The following TPST1 variants were observed in gnomAD, a reference collection of about 807,000 sequenced individuals.
TPST1 encodes protein-tyrosine sulfotransferase 1.
Under a neutral mutation model 34.8 loss-of-function variants are expected in TPST1, and 20 were observed. That is an observed-to-expected ratio of 0.57 (90% CI 0.40 to 0.84). TPST1 has a LOEUF of 0.84. Among genes scored for constraint, TPST1 ranks in the 40% least tolerant of loss-of-function variants. The pLI, the probability that TPST1 is intolerant of heterozygous loss-of-function variation, is 0.00. For synonymous variants in TPST1, 152 were observed against 159.4 expected, an observed-to-expected ratio of 0.95 and a Z score of 0.35; for missense variants, 353 against 455.5, an observed-to-expected ratio of 0.78 and a Z score of 2.05.
At chr7:66,312,688 A>G (rs1161425620) in intron 3 of TPST1, among the ~76,000 whole-genome samples, 1 of 152,180 alleles carries the variant, frequency 6.6e-6, no homozygotes, top group Non-Finnish European at 1.5e-5. Flanking sequence ...TTTTCCTTAA[A>G]CCCAAAGATT....
At chr7:66,293,226 T>C (rs192628593) in intron 3 of TPST1, among the ~76,000 whole-genome samples, 14 of 150,890 alleles carry the variant, frequency 9.3e-5, no homozygotes, top group Admixed American at 2.0e-4. Context: ...AAGAAAAACT[T>C]GGGCCCAGCA....
chr7:66,259,491 T>A (rs561277742), intron 2 of TPST1, among the ~76,000 whole-genome samples: 2 of 152,196 alleles, frequency 1.3e-5, no homozygotes, highest in South Asian at 4.1e-4. Flanking sequence ...TTTTTCCAAA[T>A]TTTTTTTCTC....
intron 3 of TPST1, among the ~76,000 whole-genome samples, chr7:66,338,474 A>G (rs541441239): frequency 1.3e-5 from 2 of 152,342 alleles, no homozygotes; most frequent in East Asian, 3.9e-4. Context: ...TCTGGACCAA[A>G]TGGACCTAAC....
At chr7:66,306,476 G>T (rs1260232637) in intron 3 of TPST1, among the ~76,000 whole-genome samples, 1 of 152,014 alleles carries the variant, frequency 6.6e-6, no homozygotes, top group African/African-American at 2.4e-5. Context: ...TCTTTCTTTG[G>T]CTCCTTTCCC....
In TPST1 at chr7:66,284,551, C is replaced by CTT. The variant is rs5884585; in HGVS notation, c.846-1939_846-1938dup. ...CTTATCTAATTGGCCACTGTCTTAGCTTTTTTTTTTTTTTTTTTTTTTAAA... is the reference window on the plus strand; with the variant it reads ...CTTATCTAATTGGCCACTGTCTTAGCTTTTTTTTTTTTTTTTTTTTTTTTAAA... On this transcript the variant is annotated intron_variant, in intron 2 of 5. Coordinates refer to ENST00000304842, the MANE Select transcript of TPST1 (RefSeq NM_003596.4). Among the ~76,000 whole-genome samples, 79 of 77,046 alleles carry CTT rather than the reference C, an allele frequency of 1.0e-3. 1 individual carries two copies. Among genetic ancestry groups the CTT allele is most frequent in the African/African-American group, 4.0e-3 (75 of 18,648 alleles). The allele number at this position is 77,046 out of a possible 152,430, so 50.5% of individuals were successfully genotyped here.
At chr7:66,263,223 G>A (rs1292453590) in intron 2 of TPST1, among the ~76,000 whole-genome samples, 3 of 152,172 alleles carry the variant, frequency 2.0e-5, no homozygotes, top group Admixed American at 6.5e-5. Flanking sequence ...TGGGAATTAG[G>A]GAAGGTTTCT....
chr7:66,255,334 A>G (rs950168273), intron 2 of TPST1, among the ~76,000 whole-genome samples: 3 of 152,132 alleles, frequency 2.0e-5, no homozygotes, highest in Non-Finnish European at 2.9e-5. Flanking sequence ...ACTACAACAA[A>G]GAATTTATTC....
intron 2 of TPST1, among the ~76,000 whole-genome samples, chr7:66,245,013 T>C (rs1056531005): frequency 3.3e-5 from 5 of 152,010 alleles, no homozygotes; most frequent in East Asian, 1.9e-4. Flanking sequence ...CTAAATCAGA[T>C]CAAAAGCAAA....
chr7:66,208,386 C>T (rs1789174727), intron 1 of TPST1, among the ~76,000 whole-genome samples: 1 of 152,178 alleles, frequency 6.6e-6, no homozygotes, highest in Non-Finnish European at 1.5e-5. Context: ...TACCCCTCCT[C>T]CTTAGTTTGG....
intron 1 of TPST1, among the ~76,000 whole-genome samples, chr7:66,227,715 A>C (rs1789692790): frequency 7.2e-6 from 1 of 138,926 alleles, no homozygotes; most frequent in Admixed American, 7.7e-5. Flanking sequence ...GTATTTTGAA[A>C]GTAGAGCCAA....
chr7:66,239,784 G>A (rs1226355955), intron 1 of TPST1, among the ~76,000 whole-genome samples: 1 of 152,116 alleles, frequency 6.6e-6, no homozygotes, highest in Non-Finnish European at 1.5e-5. Flanking sequence ...AACAAAAGCT[G>A]TTTCTGATTA....
Position 66,257,605 on chromosome 7 carries a change from T to A in TPST1, c.845+16335T>A, listed in dbSNP as rs374060949. Among the ~76,000 whole-genome samples, 42 of 152,362 alleles carry A rather than the reference T, an allele frequency of 2.8e-4. 1 individual carries two copies. The East Asian group carries it at 6.4e-3, about 23-fold the overall frequency. On this transcript the variant is annotated intron_variant, in intron 2 of 5. Coordinates refer to ENST00000304842, the MANE Select transcript of TPST1 (RefSeq NM_003596.4). ...ATTTCTGGGTTTTTTTGGTCCAGCC[T>A]GGCAGTGTTGCTGCTGATATAATTT...
chr7:66,326,058 CAG>C (rs1791860598), intron 3 of TPST1, among the ~76,000 whole-genome samples: 1 of 152,206 alleles, frequency 6.6e-6, no homozygotes, highest in African/African-American at 2.4e-5. Context: ...GAGGCTCCAA[CAG>C]AGTCACTTTT....
intron 3 of TPST1, among the ~76,000 whole-genome samples, chr7:66,328,859 G>GCTCTCTCTCGCTCT (rs1791927034): frequency 2.2e-4 from 4 of 18,416 alleles, no homozygotes; most frequent in African/African-American, 9.8e-4. Flanking sequence ...TCTCTCTCCC[G>GCTCTCTCTCGCTCT]CTCTCTCTCT....
At chr7:66,286,458 T>A in intron 2 of TPST1, 53 bp from the exon 3 acceptor site, 1 of 1,336,376 alleles carries the variant, frequency 7.5e-7, no homozygotes, top group Non-Finnish European at 9.7e-7. Context: ...TTTTAAAGCA[T>A]GATTTTCTAA....
At chr7:66,199,290 C>CCTT in the TPST1 span, among the ~76,000 whole-genome samples, 2 of 110,708 alleles carry the variant, frequency 1.8e-5, no homozygotes, top group Admixed American at 9.7e-5. Context: ...ACATTCATCT[C>CCTT]CTTCTTTTTT....
intron 2 of TPST1, among the ~76,000 whole-genome samples, chr7:66,242,783 A>G (rs1790063219): frequency 6.6e-6 from 1 of 152,194 alleles, no homozygotes; most frequent in African/African-American, 2.4e-5. Flanking sequence ...TTTTGGTGCT[A>G]ATCAGGAAGA....
At position 66,270,487 on chromosome 7, in the gene TPST1, CTT is replaced by C. The variant is rs1276918700; in HGVS notation, c.846-16022_846-16021del. Among the ~76,000 whole-genome samples the C allele has an allele frequency of 4.6e-5, 7 of 152,296 alleles. No homozygotes were observed. In the South Asian group the frequency reaches 1.5e-3, roughly 32 times the overall value. Reference sequence around the variant, plus strand: ...CCTTTAGAAATCACTTACTCTGCTTCTTTATACTTTTATTACCCAAATGTGCA... The same window carrying C: ...CCTTTAGAAATCACTTACTCTGCTTCTATACTTTTATTACCCAAATGTGCA... On this transcript the variant is annotated intron_variant, in intron 2 of 5. Coordinates refer to ENST00000304842, the MANE Select transcript of TPST1 (RefSeq NM_003596.4).
At chr7:66,353,110 T>C (rs1430286948) in intron 4 of TPST1, among the ~76,000 whole-genome samples, 3 of 151,774 alleles carry the variant, frequency 2.0e-5, no homozygotes, top group Admixed American at 2.0e-4. Context: ...AAGTCGGGAG[T>C]TCAAGACCAG....
Sources: gnomAD v4.1 joint callset for allele counts (sites outside exome capture counted in the v4.1 genomes callset) on GRCh38, gnomAD v4.1.1 for gene constraint, MANE v1.5 for transcripts, NCBI Gene and HGNC (gene_info 2026-07-23, HGNC 2026-07-21) for gene names.